AHDC1: variants seen among roughly 807,000 people sequenced by gnomAD.
AHDC1 encodes the protein transcription factor Gibbin.
In AHDC1, 7 loss-of-function variants were observed where a neutral mutation model predicts 87.9. The ratio of observed to expected loss-of-function variants is 0.08; its 90% CI spans 0.05 to 0.15. The LOEUF (loss-of-function observed/expected upper bound fraction) is 0.15, where lower values mean the gene tolerates loss of function less well. AHDC1 is among the 10% of genes least tolerant of loss of function. The pLI is 1.00. For missense variants in AHDC1, 1,841 were observed against 2,253.2 expected (o/e 0.82, Z 3.70); for synonymous variants, 1,051 against 1,006.8 (o/e 1.04, Z -0.83).
chr1:27,580,443 TCTG>T (rs1202566376), intron 3 of AHDC1, among the ~76,000 whole-genome samples: 1 of 152,206 alleles, frequency 6.6e-6, no homozygotes, highest in South Asian at 2.1e-4. Context: ...TTTCTCCTGC[TCTG>T]CTATCTCCAC....
intron 5 of AHDC1, among the ~76,000 whole-genome samples, chr1:27,555,080 T>C (rs928207088): frequency 7.9e-5 from 12 of 152,226 alleles, no homozygotes; most frequent in African/African-American, 2.4e-4. Flanking sequence ...CTGAAAATGC[T>C]CCTTCTAGCG....
chr1:27,592,565 C>T (rs1360122615), intron 3 of AHDC1, among the ~76,000 whole-genome samples: 2 of 151,400 alleles, frequency 1.3e-5, no homozygotes, highest in African/African-American at 2.4e-5. Flanking sequence ...TCCCAAACAT[C>T]CCCCGCCCTC....
chr1:27,601,276 G>A (rs537618978), intron 3 of AHDC1, among the ~76,000 whole-genome samples: 84 of 152,356 alleles, frequency 5.5e-4, no homozygotes, highest in African/African-American at 1.9e-3. Context: ...GGAGGAGAGC[G>A]CCCACCAGGG....
chr1:27,548,447 G>A lies in AHDC1; in HGVS notation c.3669C>T (p.Val1223=), dbSNP rs751289261. The A allele has an allele frequency of 1.2e-6, 2 of 1,613,758 alleles. No homozygotes were observed. Among genetic ancestry groups the A allele is most frequent in the Non-Finnish European group, 1.7e-6 (2 of 1,179,924 alleles). Residue 1223 remains valine, a synonymous_variant, in exon 8 of 9, where the codon GTC becomes GTT. Transcript: ENST00000673934. ...SAPGYNWNQS[V]LFQSSSKPGR... is the part of the protein sequence containing the mutation. Reference sequence around the variant, plus strand: ...CCGGCTTGGAGCTACTCTGAAAGAGGACACTCTGGTTCCAGTTGTAGCCGG... The same window carrying A: ...CCGGCTTGGAGCTACTCTGAAAGAGAACACTCTGGTTCCAGTTGTAGCCGG...
Position 27,539,991 on chromosome 1 carries a change from C to T in AHDC1, c.*44-5075G>A, listed in dbSNP as rs932847395. Among the ~76,000 whole-genome samples the T allele has an allele frequency of 1.1e-4, 17 of 152,234 alleles. 1 individual carries two copies. Among genetic ancestry groups the T allele is most frequent in the Middle Eastern group, 3.4e-3 (1 of 294 alleles). On this transcript the variant is annotated intron_variant, in intron 8 of 8. Transcript: ENST00000673934. ...TCTCTCTCTCTCTCTCTCCCCCACT[C>T]TCCACCCTCCAGCTGGAGATGCCAT...
intron 3 of AHDC1, among the ~76,000 whole-genome samples, chr1:27,571,362 G>A (rs528654230): frequency 1.3e-5 from 2 of 152,280 alleles, no homozygotes; most frequent in East Asian, 3.9e-4. Context: ...GAGTCTGATG[G>A]GGGAGACCAG....
chr1:27,541,211 T>G (rs925492127), intron 8 of AHDC1, among the ~76,000 whole-genome samples: 1 of 152,214 alleles, frequency 6.6e-6, no homozygotes, highest in African/African-American at 2.4e-5. Context: ...AATCTCCTGC[T>G]GCCTGCCCTG....
chr1:27,575,974 G>T (rs2088729586), intron 3 of AHDC1, among the ~76,000 whole-genome samples: 1 of 152,094 alleles, frequency 6.6e-6, no homozygotes, highest in South Asian at 2.1e-4. Context: ...CCGGCCCGGG[G>T]ACTGGAGGCG....
At chr1:27,603,577 C>G (rs1267609482) in intron 2 of AHDC1, 83 bp from the exon 3 acceptor site, 1 of 152,566 alleles carries the variant, frequency 6.6e-6, no homozygotes, top group Admixed American at 6.5e-5. Context: ...CATTCTCCGC[C>G]GCTAACTCCG....
Position 27,561,811 on chromosome 1 carries a change from GAC to G in AHDC1, c.-628-2930_-628-2929del, listed in dbSNP as rs1050468390. ...AAACAGAGACAGAGAGACAGAGAAA[GAC>G]AGAAACTGGAAGACGGGCACGCACA... is the stretch of plus-strand genomic sequence containing the variant. On this transcript the variant is annotated intron_variant, in intron 3 of 8. Transcript: ENST00000673934. The surrounding 1 kb of genome is among the most constrained non-coding windows in gnomAD (Gnocchi z 4.2). Among the ~76,000 whole-genome samples, 1 of 152,076 alleles carries G rather than the reference GAC, an allele frequency of 6.6e-6. No individual in the cohort carries two copies. The highest frequency in any genetic ancestry group is 2.4e-5 in the African/African-American group (1 of 41,380).
chr1:27,604,037 C>T (rs2089617211), intron 1 of AHDC1, 69 bp downstream of exon 1: 1 of 152,154 alleles, frequency 6.6e-6, no homozygotes, highest in Non-Finnish European at 1.5e-5. Context: ...GCCCGCCCGC[C>T]CGCCTGTCTG....
chr1:27,548,578 C>T lies in AHDC1; in HGVS notation c.3538G>A (p.Gly1180Arg), dbSNP rs754321656. ...TCGCTGTTGGCACGCCGAAACCCCC[C>T]GCCACCAACCGGCTGATTGAACTGG... ...STQFNQPVGG[G>R]GFRRANSEAS... is the part of the protein sequence containing the mutation. The change falls in exon 8 of 9, where the codon GGG becomes AGG. Residue 1180 changes from glycine (G) to arginine (R), a missense_variant. Coordinates refer to ENST00000673934, the MANE Select transcript of AHDC1 (RefSeq NM_001371928.1). 55 of 1,613,410 alleles carry T rather than the reference C, an allele frequency of 3.4e-5. No homozygotes were observed. Among genetic ancestry groups the T allele is most frequent in the Admixed American group, 5.0e-5 (3 of 60,004 alleles).
chr1:27,596,619 C>T (rs149528245), intron 3 of AHDC1, among the ~76,000 whole-genome samples: 2 of 152,100 alleles, frequency 1.3e-5, no homozygotes, highest in Non-Finnish European at 2.9e-5. Flanking sequence ...CTGAACTACA[C>T]CCTCATATCT....
intron 3 of AHDC1, among the ~76,000 whole-genome samples, chr1:27,568,557 G>A (rs2020422281): frequency 6.6e-6 from 1 of 152,136 alleles, no homozygotes; most frequent in Non-Finnish European, 1.5e-5. Flanking sequence ...CACCCACGGC[G>A]CGTCCCGAAC....
At position 27,579,409 on chromosome 1, in the gene AHDC1, C is replaced by T. The variant is rs759024757; in HGVS notation, c.-628-20526G>A. Among the ~76,000 whole-genome samples the T allele has an allele frequency of 5.3e-5, 8 of 152,288 alleles. No homozygotes were observed. The South Asian group carries it at 8.3e-4, about 16-fold the overall frequency. On this transcript the variant is annotated intron_variant, in intron 3 of 8. Transcript: ENST00000673934. Reference sequence around the variant, plus strand: ...CCCACACCACCCCACCCCAGTTTTCCGTGAATCTAGGTTCAGCCAGAGATG... The same window carrying T: ...CCCACACCACCCCACCCCAGTTTTCTGTGAATCTAGGTTCAGCCAGAGATG...
At chr1:27,566,138 G>A (rs1436657260) in intron 3 of AHDC1, among the ~76,000 whole-genome samples, 3 of 152,214 alleles carry the variant, frequency 2.0e-5, no homozygotes, top group Non-Finnish European at 2.9e-5. Context: ...AGCTCTGAAA[G>A]AAAGATATGT....
In AHDC1 at chr1:27,587,499, C is replaced by T. The variant is rs561092170; in HGVS notation, c.-629+15898G>A. ...TCCCCAACTTCTCCCTGCCCAAATT[C>T]TACCAGCCAGCTCAATACCAGTTCC... On this transcript the variant is annotated intron_variant, in intron 3 of 8. Transcript: ENST00000673934. Among the ~76,000 whole-genome samples, 6 of 152,330 alleles carry T rather than the reference C, an allele frequency of 3.9e-5. No homozygotes were observed. In the South Asian group the frequency reaches 1.2e-3, roughly 32 times the overall value.
chr1:27,536,522 T>C (rs897514010), intron 8 of AHDC1, among the ~76,000 whole-genome samples: 1 of 152,158 alleles, frequency 6.6e-6, no homozygotes, highest in South Asian at 2.1e-4. Context: ...GGGCAAGGGC[T>C]GCTGCTGGGA....
intron 7 of AHDC1, 107 bp downstream of exon 7, chr1:27,552,785 A>G (rs2019638837): frequency 6.5e-6 from 1 of 152,752 alleles, no homozygotes; most frequent in African/African-American, 2.4e-5. Context: ...AGGGAAGCAC[A>G]TCAGCAGGGT....
Sources: allele counts gnomAD v4.1 joint callset (sites outside exome capture counted in the v4.1 genomes callset), GRCh38; gene constraint gnomAD v4.1.1; non-coding constraint Gnocchi (gnomAD v3.1); transcripts MANE v1.5; gene names NCBI Gene and HGNC (gene_info 2026-07-23, HGNC 2026-07-21).